PHF2: variants seen among roughly 807,000 people sequenced by gnomAD.
PHF2 encodes PHD finger protein 2.
A neutral mutation model predicts 120.5 loss-of-function variants in PHF2; 27 were observed. The ratio of observed to expected loss-of-function variants is 0.22; its 90% CI spans 0.17 to 0.31. The LOEUF (loss-of-function observed/expected upper bound fraction) is 0.31, where lower values mean the gene tolerates loss of function less well. PHF2 is among the 10% of genes least tolerant of loss of function. The pLI, the probability that PHF2 is intolerant of heterozygous loss-of-function variation, is 1.00. For synonymous variants in PHF2, 568 were observed against 592.5 expected, an observed-to-expected ratio of 0.96 and a Z score of 0.60; for missense variants, 1,024 against 1,434.8, an observed-to-expected ratio of 0.71 and a Z score of 4.63.
chr9:93,631,921 G>A (rs1437902622), intron 2 of PHF2, among the ~76,000 whole-genome samples: 1 of 152,056 alleles, frequency 6.6e-6, no homozygotes, highest in Non-Finnish European at 1.5e-5. Context: ...CTGGGCCAGG[G>A]GCCTCTTCTG....
chr9:93,670,036 A>G (rs538576698), intron 17 of PHF2, among the ~76,000 whole-genome samples: 1 of 152,336 alleles, frequency 6.6e-6, no homozygotes, highest in East Asian at 1.9e-4. Flanking sequence ...GGATGTGCTC[A>G]CAGCCACAGG....
At chr9:93,643,475 C>T (rs1826201578) in intron 3 of PHF2, among the ~76,000 whole-genome samples, 1 of 152,190 alleles carries the variant, frequency 6.6e-6, no homozygotes, top group South Asian at 2.1e-4. Context: ...GTCTAGTCCC[C>T]CCTGGTTTAT....
rs10992856 is a variant in PHF2 at position 93,676,737 on chromosome 9, C to T, written c.2976C>T (p.Thr992=). The change falls in exon 21 of 22, where the codon ACC becomes ACT. Residue 992 remains threonine (T), a synonymous_variant. Transcript: ENST00000359246. ...CCTCTACCACCCCGGCCTCCACCAC[C>T]CCGGCCTCCACCAGCACGGCCAGCA... ...TPASTTPAST[T]PASTSTASSQ... is the part of the protein sequence containing the mutation. The T allele has an allele frequency of 1.8e-6, 1 of 566,032 alleles. No individual in the cohort carries two copies. Among genetic ancestry groups the T allele is most frequent in the Middle Eastern group, 3.6e-4 (1 of 2,784 alleles). 35.1% of individuals were successfully genotyped at this position (566,032 alleles called of 1,614,324 possible).
chr9:93,669,740 G>C (rs372130093), intron 17 of PHF2, among the ~76,000 whole-genome samples: 1 of 152,274 alleles, frequency 6.6e-6, no homozygotes, highest in South Asian at 2.1e-4. Context: ...TGCCTCACCA[G>C]CCCTAGGACT....
At chr9:93,587,840 T>C (rs1863085253) in intron 1 of PHF2, among the ~76,000 whole-genome samples, 1 of 152,262 alleles carries the variant, frequency 6.6e-6, no homozygotes, top group Admixed American at 6.5e-5. Flanking sequence ...CAACTGTCCC[T>C]GGAGCTGCCC....
chr9:93,658,052 A>G, intron 9 of PHF2, 93 bp from the exon 10 acceptor site: 1 of 790,604 alleles, frequency 1.3e-6, no homozygotes, highest in Non-Finnish European at 2.1e-6. Context: ...GGAAGGCTGG[A>G]CCTGGCATCC....
chr9:93,630,439 G>A (rs1023532884), intron 2 of PHF2, among the ~76,000 whole-genome samples: 6 of 152,082 alleles, frequency 3.9e-5, no homozygotes, highest in African/African-American at 1.5e-4. Context: ...ACTGCTACAC[G>A]GGGGGCCCAG....
At chr9:93,668,698 A>G (rs544506251) in intron 17 of PHF2, among the ~76,000 whole-genome samples, 212 of 152,300 alleles carry the variant, frequency 1.4e-3, no homozygotes, top group Middle Eastern at 0.01. Context: ...ATCTGAGCCC[A>G]GGAGTAGGGC....
chr9:93,661,119 GCCCTGATAGTCTGAGC>G (rs1826557537), intron 12 of PHF2, among the ~76,000 whole-genome samples: 1 of 152,122 alleles, frequency 6.6e-6, no homozygotes, highest in Non-Finnish European at 1.5e-5. Flanking sequence ...GAGCAGGGTG[GCCCTGATAGTCTGAGC>G]CCCTGTGGAC....
chr9:93,595,364 T>C (rs1825312349), intron 1 of PHF2, among the ~76,000 whole-genome samples: 1 of 152,252 alleles, frequency 6.6e-6, no homozygotes, highest in Admixed American at 6.5e-5. Context: ...ACAGATACTC[T>C]TCACCTGGAG....
intron 19 of PHF2, 70 bp from the exon 20 acceptor site, chr9:93,675,610 A>G: frequency 3.3e-6 from 4 of 1,208,398 alleles, no homozygotes; most frequent in Non-Finnish European, 4.8e-6. Context: ...GGGGCAGGGT[A>G]GCCCCAAACC....
chr9:93,645,674 G>A lies in PHF2; in HGVS notation c.345G>A (p.Leu115=), dbSNP rs1826245104. The change falls in exon 4 of 22, where the codon CTG becomes CTA. Residue 115 remains leucine (L), a synonymous_variant. Coordinates refer to ENST00000359246, the MANE Select transcript of PHF2 (RefSeq NM_005392.4). ...VARVPGSQLT[L]GYMEEHGFTE... is the part of the protein sequence containing the mutation. ...GTGTGCCAGGAAGTCAGCTCACGCT[G>A]GGCTACATGGAGGAGCACGGCTTCA... The A allele has an allele frequency of 1.9e-6, 3 of 1,612,406 alleles. No homozygotes were observed. The highest frequency in any genetic ancestry group is 2.2e-5 in the South Asian group (2 of 90,936).
At chr9:93,632,301 C>T (rs976636332) in intron 2 of PHF2, among the ~76,000 whole-genome samples, 1 of 151,268 alleles carries the variant, frequency 6.6e-6, no homozygotes, top group African/African-American at 2.5e-5. Flanking sequence ...ATGGTGGGAC[C>T]CCCAGCCCCT....
At chr9:93,577,954 C>T (rs1862864043) in intron 1 of PHF2, among the ~76,000 whole-genome samples, 2 of 152,162 alleles carry the variant, frequency 1.3e-5, no homozygotes, top group African/African-American at 4.8e-5. Flanking sequence ...GGGCTCCAGT[C>T]CCAAACCACC....
At chr9:93,594,636 C>T (rs1825297342) in intron 1 of PHF2, among the ~76,000 whole-genome samples, 1 of 152,210 alleles carries the variant, frequency 6.6e-6, no homozygotes, top group South Asian at 2.1e-4. Context: ...GGCAGCTAAG[C>T]TCCCAGTCAC....
Position 93,656,887 on chromosome 9 carries a change from C to T in PHF2, c.1147+292C>T, listed in dbSNP as rs1826470798. The stretch of plus-strand genomic sequence containing the variant: ...GGCCTCAGTGCAGGTATCAATCACA[C>T]CTGCTCCACCCTCCACACTTGCCTC... On this transcript the variant is annotated intron_variant, in intron 9 of 21. Coordinates refer to ENST00000359246, the MANE Select transcript of PHF2 (RefSeq NM_005392.4). This position sits in a 1 kb window ranked among gnomAD's most constrained non-coding sequence, Gnocchi z 4.1. 6.6e-6 allele frequency among the ~76,000 whole-genome samples: 1 copy of T among 152,190 alleles called. No homozygotes were observed. The highest frequency in any genetic ancestry group is 2.1e-4 in the South Asian group (1 of 4,832).
At chr9:93,630,209 A>G (rs1825977224) in intron 2 of PHF2, among the ~76,000 whole-genome samples, 154 bp downstream of exon 2, 1 of 152,214 alleles carries the variant, frequency 6.6e-6, no homozygotes, top group African/African-American at 2.4e-5. Flanking sequence ...GGACCCTGCC[A>G]GCCTAGCTTA....
intron 5 of PHF2, among the ~76,000 whole-genome samples, chr9:93,651,617 C>T (rs954196411): frequency 3.3e-5 from 5 of 152,152 alleles, no homozygotes; most frequent in Admixed American, 6.5e-5. Flanking sequence ...GACCAATGTA[C>T]CCCCAGACCG....
intron 1 of PHF2, among the ~76,000 whole-genome samples, chr9:93,615,181 G>GA (rs1825707081): frequency 1.4e-5 from 2 of 147,938 alleles, no homozygotes; most frequent in South Asian, 4.4e-4. Context: ...GATAGTAATG[G>GA]TGATGGCGAT....
Sources: gnomAD v4.1 joint callset for allele counts (sites outside exome capture counted in the v4.1 genomes callset) on GRCh38, gnomAD v4.1.1 for gene constraint, Gnocchi (gnomAD v3.1) non-coding constraint, MANE v1.5 for transcripts, NCBI Gene and HGNC (gene_info 2026-07-23, HGNC 2026-07-21) for gene names.